SKAP1: variants seen among roughly 807,000 people sequenced by gnomAD.
SKAP1 encodes src kinase associated phosphoprotein 1.
Under a neutral mutation model 58.5 loss-of-function variants are expected in SKAP1, and 44 were observed. The observed-to-expected ratio is 0.75, with a 90% CI of 0.59 to 0.97. SKAP1 has a LOEUF of 0.97. Ranked by LOEUF, SKAP1 falls within the 50% of genes least tolerant of loss-of-function variation. The pLI is 0.00. For missense variants in SKAP1, 390 were observed against 435.2 expected (o/e 0.90, Z 0.92); for synonymous variants, 127 against 149.7 (o/e 0.85, Z 1.11).
At chr17:48,310,979 T>C (rs1185925828) in intron 4 of SKAP1, among the ~76,000 whole-genome samples, 1 of 152,234 alleles carries the variant, frequency 6.6e-6, no homozygotes, top group East Asian at 1.9e-4. Flanking sequence ...ATGGTAAACT[T>C]GACCTGCCGC....
At chr17:48,367,545 TATATGGATATATATCC>T (rs2067022291) in intron 2 of SKAP1, among the ~76,000 whole-genome samples, 1 of 144,736 alleles carries the variant, frequency 6.9e-6, no homozygotes, top group South Asian at 2.1e-4. Flanking sequence ...TGTATATATA[TATATGGATATATATCC>T]ATATATATAT....
intron 1 of SKAP1, among the ~76,000 whole-genome samples, chr17:48,416,843 C>T (rs1449237104): frequency 2.6e-5 from 4 of 152,214 alleles, no homozygotes; most frequent in African/African-American, 9.6e-5. Flanking sequence ...ATTAGGATTT[C>T]TGCAGTCACT....
At chr17:48,288,778 T>C (rs2065865388) in intron 4 of SKAP1, among the ~76,000 whole-genome samples, 1 of 152,176 alleles carries the variant, frequency 6.6e-6, no homozygotes, top group Non-Finnish European at 1.5e-5. Context: ...TAACCGTGTC[T>C]ACCTAAAGGC....
chr17:48,441,330 T>C, the SKAP1 span, among the ~76,000 whole-genome samples: 1 of 152,132 alleles, frequency 6.6e-6, no homozygotes, highest in Non-Finnish European at 1.5e-5. Flanking sequence ...TGGATGTCCC[T>C]GGGTTACAGC....
chr17:48,177,743 G>C (rs999688974), intron 9 of SKAP1, among the ~76,000 whole-genome samples: 1 of 152,140 alleles, frequency 6.6e-6, no homozygotes, highest in Non-Finnish European at 1.5e-5. Context: ...ATGGAAACTT[G>C]TGGCTGAAAT....
intron 4 of SKAP1, among the ~76,000 whole-genome samples, chr17:48,339,590 A>G (rs546472946): frequency 6.6e-6 from 1 of 152,206 alleles, no homozygotes; most frequent in East Asian, 1.9e-4. Context: ...GTGCTAGGGT[A>G]CCAGTGACTG....
intron 11 of SKAP1, among the ~76,000 whole-genome samples, chr17:48,148,861 T>C (rs1167128178): frequency 6.6e-6 from 1 of 152,226 alleles, no homozygotes; most frequent in Non-Finnish European, 1.5e-5. Flanking sequence ...CTTAAGGTTA[T>C]TGAGGTTGTT....
At chr17:48,198,616 G>A (rs1349154554) in intron 4 of SKAP1, among the ~76,000 whole-genome samples, 2 of 151,894 alleles carry the variant, frequency 1.3e-5, no homozygotes, top group Non-Finnish European at 2.9e-5. Context: ...TGAATCTGAT[G>A]TACTATCATA....
chr17:48,320,243 A>AGAACC (rs1387788873), intron 4 of SKAP1, among the ~76,000 whole-genome samples: 1 of 152,208 alleles, frequency 6.6e-6, no homozygotes, highest in East Asian at 1.9e-4. Context: ...CTTAAGTATT[A>AGAACC]ATTAAGTGAT....
At chr17:48,157,887 A>G (rs1277127013) in intron 11 of SKAP1, among the ~76,000 whole-genome samples, 1 of 144,886 alleles carries the variant, frequency 6.9e-6, no homozygotes, top group Non-Finnish European at 1.5e-5. Context: ...TTTTTTTTTG[A>G]AAAGGGATAG....
At chr17:48,135,502 G>A (rs925303719) in intron 12 of SKAP1, among the ~76,000 whole-genome samples, 6 of 152,034 alleles carry the variant, frequency 3.9e-5, no homozygotes, top group African/African-American at 1.4e-4. Context: ...TTTTGAGACA[G>A]GATCTTGCTC....
intron 2 of SKAP1, among the ~76,000 whole-genome samples, chr17:48,392,906 C>T (rs1185866383): frequency 6.6e-6 from 1 of 151,696 alleles, no homozygotes; most frequent in Non-Finnish European, 1.5e-5. Context: ...CTCCCCCACT[C>T]TCAACGTATT....
In SKAP1 at chr17:48,367,739, G is replaced by A. The variant is rs540860438; in HGVS notation, c.153-3925C>T. On this transcript the variant is annotated intron_variant, in intron 2 of 12. Coordinates refer to ENST00000336915, the MANE Select transcript of SKAP1 (RefSeq NM_003726.4). ...TCAAGACCAGCTTGGGAAACATGGC[G>A]AAACTTCATCTCTACAAAAGGTATA... Among the ~76,000 whole-genome samples, 382 of 151,500 alleles carry A rather than the reference G, an allele frequency of 2.5e-3. 2 individuals are homozygous for A. The highest frequency in any genetic ancestry group is 8.7e-3 in the African/African-American group (360 of 41,352).
At chr17:48,404,580 G>A (rs368511448) in intron 1 of SKAP1, among the ~76,000 whole-genome samples, 3 of 152,220 alleles carry the variant, frequency 2.0e-5, no homozygotes, top group East Asian at 3.9e-4. Context: ...AGGGTCAATG[G>A]ATACTACTTC....
At chr17:48,356,382 T>C (rs1207984635) in intron 3 of SKAP1, among the ~76,000 whole-genome samples, 2 of 152,190 alleles carry the variant, frequency 1.3e-5, no homozygotes, top group African/African-American at 4.8e-5. Context: ...TTTGTTTGTT[T>C]TGGAAAGCTT....
intron 3 of SKAP1, among the ~76,000 whole-genome samples, chr17:48,357,256 A>T (rs1462576225): frequency 1.3e-5 from 2 of 152,202 alleles, no homozygotes; most frequent in African/African-American, 2.4e-5. Flanking sequence ...ACTACAGAAT[A>T]GGAAGGACTT....
chr17:48,164,912 T>G (rs1446251645), intron 10 of SKAP1, among the ~76,000 whole-genome samples: 1 of 152,252 alleles, frequency 6.6e-6, no homozygotes, highest in African/African-American at 2.4e-5. Flanking sequence ...TGCATTTATG[T>G]GTATGTGTGC....
intron 4 of SKAP1, among the ~76,000 whole-genome samples, chr17:48,262,107 G>C (rs151239839): frequency 3.9e-5 from 6 of 152,324 alleles, no homozygotes; most frequent in Non-Finnish European, 8.8e-5. Context: ...TAGTGTGGCT[G>C]CCTACAAAGA....
intron 4 of SKAP1, among the ~76,000 whole-genome samples, chr17:48,236,990 A>G (rs1320250863): frequency 6.6e-6 from 1 of 152,216 alleles, no homozygotes; most frequent in African/African-American, 2.4e-5. Flanking sequence ...CATTATCTCT[A>G]TTTTATGAAT....
Sources: gnomAD v4.1 joint callset for allele counts (sites outside exome capture counted in the v4.1 genomes callset) on GRCh38, gnomAD v4.1.1 for gene constraint, MANE v1.5 for transcripts, NCBI Gene and HGNC (gene_info 2026-07-23, HGNC 2026-07-21) for gene names.